SLX4: variants seen among roughly 807,000 people sequenced by gnomAD.
SLX4 encodes SLX4 structure-specific endonuclease subunit.
SLX4 carries 112 observed loss-of-function variants against 146.2 expected under a neutral mutation model. That is an observed-to-expected ratio of 0.77 (90% CI 0.66 to 0.90). The LOEUF (loss-of-function observed/expected upper bound fraction) is 0.90. SLX4 is among the 40% of genes least tolerant of loss of function. The pLI is 0.00. For missense variants in SLX4, 2,563 were observed against 2,392.7 expected, an observed-to-expected ratio of 1.07 and a Z score of -1.49; for synonymous variants, 1,061 against 997.7, an observed-to-expected ratio of 1.06 and a Z score of -1.20.
At position 3,589,299 on chromosome 16, in the gene SLX4, C is replaced by T. The variant is rs371090786; in HGVS notation, c.4339G>A (p.Gly1447Ser). 18 of 1,584,044 alleles carry T rather than the reference C, an allele frequency of 1.1e-5. No homozygotes were observed. The highest frequency in any genetic ancestry group is 2.2e-5 in the East Asian group (1 of 44,558). ...PIDHWNLERTGPLSTSSPSRR... is the reference protein window; with the variant it reads ...PIDHWNLERTSPLSTSSPSRR... ...CTGGGGCTGCTGGTGCTCAGGGGGC[C>T]GGTCCGCTCCAGGTTCCAGTGGTCA... The change falls in exon 12 of 15, where the codon GGC (glycine) becomes AGC (serine). Residue 1447 changes from glycine (G) to serine (S), a missense_variant. Gly to Ser is a moderately conservative substitution (Grantham distance 56). Transcript: ENST00000294008. The surrounding 1 kb of genome is among the most constrained non-coding windows in gnomAD (Gnocchi z 6.2).
In SLX4 at chr16:3,597,577, C is replaced by T. The variant is rs754055947; in HGVS notation, c.1485G>A (p.Val495=). 2 of 1,614,138 alleles carry T rather than the reference C, an allele frequency of 1.2e-6. No individual in the cohort carries two copies. The highest frequency in any genetic ancestry group is 2.2e-5 in the East Asian group (1 of 44,876). The change falls in exon 7 of 15, where the codon GTG becomes GTA. Residue 495 remains valine (V), a synonymous_variant. Coordinates refer to ENST00000294008, the MANE Select transcript of SLX4 (RefSeq NM_032444.4). This position sits in a 1 kb window ranked among gnomAD's most constrained non-coding sequence, Gnocchi z 4.4. ...GAAGTGGTGGCGTGCTAGACAATTC[C>T]ACTTCCTCAGAGAGGAGCAGGGCCA... is the stretch of plus-strand genomic sequence containing the variant. ...DRVALLLSEE[V]ELSSTPPLPA... is the part of the protein sequence containing the mutation.
chr16:3,589,593 C>G lies in SLX4; in HGVS notation c.4045G>C (p.Gly1349Arg), dbSNP rs1555450055. The G allele has an allele frequency of 1.9e-6, 3 of 1,613,554 alleles. No individual in the cohort carries two copies. Among genetic ancestry groups the G allele is most frequent in the Admixed American group, 1.7e-5 (1 of 60,006 alleles). ...AGCGGAGAGGAGTGCGGGTGGCCCC[C>G]GGGGTGGGGACGGGAAGGGCTTCTG... ...GHRSPSRPHP[G>R]GHPHSSPLAP... is the part of the protein sequence containing the mutation. The change falls in exon 12 of 15, where the codon GGG (glycine) becomes CGG (arginine). Residue 1349 changes from glycine (G) to arginine (R), a missense_variant. Transcript: ENST00000294008. The surrounding 1 kb of genome is among the most constrained non-coding windows in gnomAD (Gnocchi z 6.2).
At chr16:3,584,925 C>T in intron 12 of SLX4, 54 bp from the exon 13 acceptor site, 1 of 1,222,848 alleles carries the variant, frequency 8.2e-7, no homozygotes, top group Middle Eastern at 1.9e-4. Context: ...GGATTTCCCA[C>T]ATCTGATCCC....
chr16:3,591,907 C>G (rs2040599052), intron 11 of SLX4, among the ~76,000 whole-genome samples: 1 of 152,206 alleles, frequency 6.6e-6, no homozygotes, highest in Admixed American at 6.5e-5. Context: ...ATAATCCCAG[C>G]ACTTTGGGAG....
At chr16:3,599,124 G>T (rs888664191) in intron 5 of SLX4, among the ~76,000 whole-genome samples, 1 of 152,194 alleles carries the variant, frequency 6.6e-6, no homozygotes. Flanking sequence ...TGCCAAGAAA[G>T]AAACAATGGC....
Position 3,590,782 on chromosome 16 carries a change from C to A in SLX4, c.2856G>T (p.Ala952=). The A allele has an allele frequency of 6.2e-7, 1 of 1,614,010 alleles. No homozygotes were observed. The highest frequency in any genetic ancestry group is 1.3e-5 in the African/African-American group (1 of 75,044). ...GGCTGGAGCAGCTGGAATGGCCAAG[C>A]GCCTCCTCTGGCGCCTCCTGCTCAG... The part of the protein sequence containing the change: ...EAPEQEAPEE[A]LGHSSCSSPS... The change falls in exon 12 of 15, where the codon GCG becomes GCT. Residue 952 remains alanine, a synonymous_variant. Transcript: ENST00000294008. The surrounding 1 kb of genome is among the most constrained non-coding windows in gnomAD (Gnocchi z 4.8).
chr16:3,586,431 G>T (rs140333460), intron 12 of SLX4, among the ~76,000 whole-genome samples: 3,262 of 152,104 alleles, frequency 0.021, 118 homozygotes, highest in African/African-American at 0.068. Flanking sequence ...TGAGGTGGGA[G>T]GATCACTTGA....
intron 1 of SLX4, among the ~76,000 whole-genome samples, chr16:3,611,011 AAC>A (rs1367671149): frequency 6.6e-6 from 1 of 152,170 alleles, no homozygotes; most frequent in African/African-American, 2.4e-5. Context: ...TGAACCTCAC[AAC>A]AGTCTATCTC....
Position 3,609,592 on chromosome 16 carries a change from T to G in SLX4, c.-602-26A>C, listed in dbSNP as rs78173617. Reference sequence around the variant, plus strand: ...CTGTGGAAAACCAAAAGCATGTAAGTGTAATCAGACATTGTCATTTTATGC... The same window carrying G: ...CTGTGGAAAACCAAAAGCATGTAAGGGTAATCAGACATTGTCATTTTATGC... On this transcript the variant is annotated intron_variant, in intron 1 of 14. Transcript: ENST00000294008. 0.032 allele frequency: 4,825 copies of G among 153,136 alleles called. 141 individuals carry two copies. Among genetic ancestry groups the G allele is most frequent in the South Asian group, 0.12 (600 of 4,888 alleles). The allele number at this position is 153,136 out of a possible 1,614,324, so 9.5% of individuals were successfully genotyped here. A position where few individuals can be genotyped will look rare whatever the true frequency, so the allele number is the denominator to read the frequency against.
intron 2 of SLX4, among the ~76,000 whole-genome samples, chr16:3,606,959 C>T (rs752503627): frequency 2.0e-5 from 3 of 152,130 alleles, no homozygotes; most frequent in Admixed American, 1.3e-4. Flanking sequence ...TAAAACTGTT[C>T]TAACGTTAGG....
chr16:3,594,305 GAGA>G (rs1266232604), intron 10 of SLX4, 145 bp downstream of exon 10: 5 of 1,135,132 alleles, frequency 4.4e-6, no homozygotes, highest in Non-Finnish European at 6.4e-6. Context: ...GGTTGGGAGG[GAGA>G]AGGTGAGAAC....
intron 12 of SLX4, among the ~76,000 whole-genome samples, 179 bp from the exon 13 acceptor site, chr16:3,585,050 G>T (rs2040492276): frequency 6.6e-6 from 1 of 152,148 alleles, no homozygotes; most frequent in Non-Finnish European, 1.5e-5. Flanking sequence ...CCCAATGATA[G>T]CATCGGTGAC....
chr16:3,600,995 T>G lies in SLX4; in HGVS notation c.1147A>C (p.Ser383Arg). 1 of 1,613,830 alleles carries G rather than the reference T, an allele frequency of 6.2e-7. No homozygotes were observed. The highest frequency in any genetic ancestry group is 1.1e-5 in the South Asian group (1 of 91,076). The change falls in exon 5 of 15, where the codon AGC (serine) becomes CGC (arginine). Residue 383 changes from serine (S) to arginine (R), a missense_variant. By Grantham distance (110) the Ser-to-Arg change is moderately radical. Coordinates refer to ENST00000294008, the MANE Select transcript of SLX4 (RefSeq NM_032444.4). ...TCGACTTACCTGAACATGGGTGGGC[T>G]GCTGCTACCCTCAGGCTGTGCTGTC... Reference protein sequence around the residue: ...LQTAQPEGSSSPPMFSFSDHS... With the variant: ...LQTAQPEGSSRPPMFSFSDHS...
chr16:3,603,163 C>A (rs1033787087), intron 3 of SLX4, among the ~76,000 whole-genome samples: 1 of 152,178 alleles, frequency 6.6e-6, no homozygotes, highest in African/African-American at 2.4e-5. Flanking sequence ...AAGCGATTCT[C>A]CTGCCTCAGC....
At position 3,591,326 on chromosome 16, in the gene SLX4, T is replaced by A; in HGVS notation, c.2328-16A>T. The A allele has an allele frequency of 6.2e-7, 1 of 1,607,888 alleles. No individual in the cohort carries two copies. The highest frequency in any genetic ancestry group is 8.5e-7 in the Non-Finnish European group (1 of 1,179,990). On this transcript the variant is annotated splice_polypyrimidine_tract_variant and intron_variant, in intron 11 of 14. Transcript: ENST00000294008. ...CACGCCAAACCTGCAACACGAAACA[T>A]CGACAGTCATCGCCCCTCTGCGTGG...
intron 12 of SLX4, among the ~76,000 whole-genome samples, chr16:3,588,203 G>A (rs1029494100): frequency 6.6e-6 from 1 of 152,086 alleles, no homozygotes; most frequent in Non-Finnish European, 1.5e-5. Flanking sequence ...ACCCCAAAAG[G>A]ACACCCTGTA....
intron 2 of SLX4, 64 bp from the exon 3 acceptor site, chr16:3,606,762 C>T (rs1263080737): frequency 1.9e-6 from 3 of 1,569,400 alleles, no homozygotes; most frequent in African/African-American, 2.7e-5. Context: ...ACTTTTCTAC[C>T]AGATACAGGT....
chr16:3,587,569 G>A (rs1394377338), intron 12 of SLX4, among the ~76,000 whole-genome samples: 1 of 152,200 alleles, frequency 6.6e-6, no homozygotes. Flanking sequence ...TGTCTCCTGA[G>A]AAAAGCACGA....
intron 5 of SLX4, 35 bp downstream of exon 5, chr16:3,600,944 A>G (rs1412338234): frequency 1.9e-6 from 3 of 1,609,410 alleles, no homozygotes; most frequent in Non-Finnish European, 2.5e-6. Context: ...ACACAGCATT[A>G]TTTGGCTTGG....
Sources: gnomAD v4.1 joint callset for allele counts (sites outside exome capture counted in the v4.1 genomes callset) on GRCh38, gnomAD v4.1.1 for gene constraint, Gnocchi (gnomAD v3.1) non-coding constraint, MANE v1.5 for transcripts, NCBI Gene and HGNC (gene_info 2026-07-23, HGNC 2026-07-21) for gene names.